Variants in SPRED1 observed in about 807,000 individuals in gnomAD.
SPRED1 encodes sprouty-related, EVH1 domain-containing protein 1.
Under a neutral mutation model 52.3 loss-of-function variants are expected in SPRED1, and 18 were observed. The ratio of observed to expected loss-of-function variants is 0.34; its 90% CI spans 0.24 to 0.51. SPRED1 has a LOEUF of 0.51. SPRED1 is among the 20% of genes least tolerant of loss of function. The pLI is 0.97. For synonymous variants in SPRED1, 155 were observed against 179.7 expected (o/e 0.86, Z 1.10); for missense variants, 485 against 551.0 (o/e 0.88, Z 1.20).
In SPRED1 at chr15:38,352,027, T is replaced by TA. The variant is rs1888501110; in HGVS notation, c.*368dup. On this transcript the variant is annotated 3_prime_UTR_variant, in exon 7 of 7. Transcript: ENST00000299084. ...GGTTTGAATTTATTAGGACACGAAC[T>TA]AAAAATAAAAGTGCACTAGGGGACA... The TA allele has an allele frequency of 4.1e-6, 1 of 245,442 alleles. No individual in the cohort carries two copies. Among genetic ancestry groups the TA allele is most frequent in the South Asian group, 6.3e-5 (1 of 15,766 alleles). 15.2% of individuals were successfully genotyped at this position (245,442 alleles called of 1,614,324 possible).
Position 38,349,524 on chromosome 15 carries a change from G to A in SPRED1, c.684+1G>A, listed in dbSNP as rs752775519. 6.3e-7 allele frequency: 1 copy of A among 1,590,518 alleles called. No individual in the cohort carries two copies. The highest frequency in any genetic ancestry group is 8.6e-7 in the Non-Finnish European group (1 of 1,159,660). ...TGGAAGCCTAAAGTCCCAAAATAGG[G>A]TAAGTAATGTTAGTTTATCTTGTGA... On this transcript the variant is annotated splice_donor_variant, in intron 6 of 6. Transcript: ENST00000299084. LOFTEE classifies it high-confidence loss of function.
chr15:38,335,237 T>C (rs1595753777), intron 4 of SPRED1, among the ~76,000 whole-genome samples: 1 of 152,172 alleles, frequency 6.6e-6, no homozygotes, highest in African/African-American at 2.4e-5. Context: ...CTCCCTGTCC[T>C]CTCCAGTACG....
intron 1 of SPRED1, among the ~76,000 whole-genome samples, chr15:38,292,724 T>TA (rs1251173271): frequency 6.6e-6 from 1 of 152,122 alleles, no homozygotes; most frequent in South Asian, 2.1e-4. Flanking sequence ...TTCTGGGAGA[T>TA]ACAATTCAAG....
chr15:38,303,489 T>C (rs1895190007), intron 2 of SPRED1, among the ~76,000 whole-genome samples: 1 of 152,164 alleles, frequency 6.6e-6, no homozygotes, highest in South Asian at 2.1e-4. Context: ...TATTTGACCA[T>C]CTTTATCTGA....
chr15:38,310,154 T>TGTGTGTGTGTGTGTGTG (rs1566863248), intron 2 of SPRED1, among the ~76,000 whole-genome samples: 11 of 6,212 alleles, frequency 1.8e-3, no homozygotes, highest in South Asian at 7.5e-3. Context: ...TGTGTGTGTG[T>TGTGTGTGTGTGTGTGTG]TTGGAGACGA....
At chr15:38,318,701 C>A (rs762896823) in intron 2 of SPRED1, among the ~76,000 whole-genome samples, 6 of 152,120 alleles carry the variant, frequency 3.9e-5, no homozygotes, top group African/African-American at 1.4e-4. Context: ...CTTTCGGTTC[C>A]TACATTAATT....
intron 4 of SPRED1, among the ~76,000 whole-genome samples, chr15:38,333,285 TTAGTGGAAA>T (rs1895842804): frequency 6.6e-6 from 1 of 152,144 alleles, no homozygotes; most frequent in Non-Finnish European, 1.5e-5. Context: ...AAACAGTTTT[TTAGTGGAAA>T]ATTTGAAGCA....
In SPRED1 at chr15:38,300,603, A is replaced by G. The variant is rs112510409; in HGVS notation, c.207+1056A>G. 8.4e-3 allele frequency among the ~76,000 whole-genome samples: 1,278 copies of G among 152,180 alleles called. 18 individuals carry two copies. The highest frequency in any genetic ancestry group is 0.029 in the African/African-American group (1,204 of 41,530). On this transcript the variant is annotated intron_variant, in intron 2 of 6. Coordinates refer to ENST00000299084, the MANE Select transcript of SPRED1 (RefSeq NM_152594.3). ...ACTGCCCCAATTTCTTCCCCACTTA[A>G]AGGGAGAGTTATCCTAAATCATCTC...
chr15:38,303,191 A>G lies in SPRED1; in HGVS notation c.207+3644A>G, dbSNP rs550710162. ...CAGAGCGAGACTCTGTCTCAAAAAA[A>G]AAAAGAAAAGAAAGTCTTACTTGAT... is the stretch of plus-strand genomic sequence containing the variant. On this transcript the variant is annotated intron_variant, in intron 2 of 6. Transcript: ENST00000299084. 1.5e-4 allele frequency among the ~76,000 whole-genome samples: 23 copies of G among 152,210 alleles called. No individual in the cohort carries two copies. The South Asian group carries it at 4.8e-3, about 32-fold the overall frequency.
chr15:38,321,008 A>G (rs367819679), intron 2 of SPRED1, among the ~76,000 whole-genome samples: 2 of 152,322 alleles, frequency 1.3e-5, no homozygotes, highest in East Asian at 1.9e-4. Flanking sequence ...AACGTGGTCT[A>G]TGGAACATGG....
chr15:38,311,745 G>T (rs774906776), intron 2 of SPRED1, among the ~76,000 whole-genome samples: 8 of 152,134 alleles, frequency 5.3e-5, no homozygotes, highest in Non-Finnish European at 1.2e-4. Flanking sequence ...TTTAAAGGCT[G>T]CAGGAACTTT....
At chr15:38,316,400 T>C (rs902870522) in intron 2 of SPRED1, among the ~76,000 whole-genome samples, 1 of 152,040 alleles carries the variant, frequency 6.6e-6, no homozygotes, top group Non-Finnish European at 1.5e-5. Context: ...ACCACTGGAT[T>C]GAAAGACTTT....
intron 2 of SPRED1, among the ~76,000 whole-genome samples, chr15:38,312,247 C>T (rs561828270): frequency 7.2e-5 from 11 of 152,132 alleles, no homozygotes; most frequent in South Asian, 4.1e-4. Context: ...CTTAGATCTT[C>T]GAGATTCATT....
At chr15:38,279,297 T>C (rs935933469) in intron 1 of SPRED1, among the ~76,000 whole-genome samples, 5 of 152,360 alleles carry the variant, frequency 3.3e-5, no homozygotes, top group African/African-American at 9.6e-5. Context: ...TGTTGTACTT[T>C]AAATATGGTT....
At chr15:38,339,092 T>A (rs768730980) in intron 4 of SPRED1, among the ~76,000 whole-genome samples, 6 of 152,064 alleles carry the variant, frequency 3.9e-5, no homozygotes, top group Admixed American at 1.3e-4. Context: ...CAGGACTTTG[T>A]GTTTTGTAGT....
chr15:38,290,848 G>A (rs1357218709), intron 1 of SPRED1, among the ~76,000 whole-genome samples: 2 of 152,086 alleles, frequency 1.3e-5, no homozygotes, highest in African/African-American at 4.8e-5. Flanking sequence ...AATTTAAGTT[G>A]AGATTTGGGT....
intron 3 of SPRED1, 65 bp from the exon 4 acceptor site, chr15:38,324,698 A>C: frequency 8.5e-7 from 1 of 1,172,692 alleles, no homozygotes; most frequent in South Asian, 1.3e-5. Flanking sequence ...ATAATCAATT[A>C]GTCATTAATA....
chr15:38,343,565 A>G (rs1216653371), intron 5 of SPRED1, among the ~76,000 whole-genome samples: 1 of 152,288 alleles, frequency 6.6e-6, no homozygotes, highest in Non-Finnish European at 1.5e-5. Flanking sequence ...GGGCCCTACT[A>G]TTCTTGTCCT....
chr15:38,328,971 T>A (rs1895761266), intron 4 of SPRED1, among the ~76,000 whole-genome samples: 1 of 152,138 alleles, frequency 6.6e-6, no homozygotes, highest in Admixed American at 6.6e-5. Context: ...CCACCCACCT[T>A]GGTCTCTCAA....
Sources: gnomAD v4.1 joint callset for allele counts (sites outside exome capture counted in the v4.1 genomes callset) on GRCh38, gnomAD v4.1.1 for gene constraint, MANE v1.5 for transcripts, NCBI Gene and HGNC (gene_info 2026-07-23, HGNC 2026-07-21) for gene names.